The following STIM1 variants were observed in gnomAD, a reference collection of about 807,000 sequenced individuals.
STIM1 encodes stromal interaction molecule 1.
A neutral mutation model predicts 74.7 loss-of-function variants in STIM1; 25 were observed. The ratio of observed to expected loss-of-function variants is 0.33; its 90% CI spans 0.24 to 0.47. The LOEUF (loss-of-function observed/expected upper bound fraction) is 0.47, where lower values mean the gene tolerates loss of function less well. Ranked by LOEUF, STIM1 falls within the 20% of genes least tolerant of loss-of-function variation. STIM1 has a pLI of 1.00. For synonymous variants in STIM1, 328 were observed against 348.8 expected (o/e 0.94, Z 0.66); for missense variants, 728 against 920.8 (o/e 0.79, Z 2.71).
chr11:3,901,214 G>A (rs2092340497), intron 1 of STIM1, among the ~76,000 whole-genome samples: 1 of 152,076 alleles, frequency 6.6e-6, no homozygotes, highest in African/African-American at 2.4e-5. Flanking sequence ...TCTTCAGAAT[G>A]TCAGTATCAG....
At chr11:4,051,035 A>G (rs993258666) in intron 3 of STIM1, among the ~76,000 whole-genome samples, 1 of 152,272 alleles carries the variant, frequency 6.6e-6, no homozygotes, top group Admixed American at 6.5e-5. Flanking sequence ...GGCAGAAAAG[A>G]TAGAGAAGGT....
chr11:3,925,557 A>C (rs920245655), intron 1 of STIM1, among the ~76,000 whole-genome samples: 1 of 152,232 alleles, frequency 6.6e-6, no homozygotes, highest in Non-Finnish European at 1.5e-5. Context: ...ACTGGATTGA[A>C]TATCTTTGGA....
In STIM1 at chr11:4,044,072, T is replaced by C. The variant is rs373306642; in HGVS notation, c.386-11454T>C. On this transcript the variant is annotated intron_variant, in intron 3 of 12. Coordinates refer to ENST00000526596, the MANE Select transcript of STIM1 (RefSeq NM_001382567.1). ...CCCTGTGTGTCTCTCTTGTGAAGGA[T>C]GGTTTGTTGTGTAGAACTCCAGGGG... 7.2e-5 allele frequency among the ~76,000 whole-genome samples: 11 copies of C among 152,182 alleles called. No individual in the cohort carries two copies. In the East Asian group the frequency reaches 2.1e-3, roughly 29 times the overall value.
intron 3 of STIM1, among the ~76,000 whole-genome samples, chr11:4,039,099 A>G (rs1486836032): frequency 1.3e-5 from 2 of 152,178 alleles, no homozygotes; most frequent in Non-Finnish European, 2.9e-5. Context: ...TTGAGACTCA[A>G]CAGAATAAGA....
Position 4,083,593 on chromosome 11 carries a change from A to T in STIM1, c.1474+95A>T, listed in dbSNP as rs528444559. ...GTTGTGCTTAAACAGCAGATGGGGCAGATACCCAGGAAGATAGTTCAACTC... is the reference window on the plus strand; with the variant it reads ...GTTGTGCTTAAACAGCAGATGGGGCTGATACCCAGGAAGATAGTTCAACTC... On this transcript the variant is annotated intron_variant, in intron 10 of 12. Transcript: ENST00000526596. The T allele has an allele frequency of 1.1e-3, 1,244 of 1,176,440 alleles. 2 individuals carry two copies. Among genetic ancestry groups the T allele is most frequent in the Non-Finnish European group, 1.5e-3 (1,207 of 809,756 alleles). 72.9% of individuals were successfully genotyped at this position (1,176,440 alleles called of 1,614,324 possible).
chr11:3,901,596 T>C (rs1331304381), intron 1 of STIM1, among the ~76,000 whole-genome samples: 2 of 152,256 alleles, frequency 1.3e-5, no homozygotes, highest in Non-Finnish European at 2.9e-5. Context: ...AGATTACATC[T>C]TTGTGTTCAC....
chr11:3,973,803 T>C, intron 2 of STIM1: 2 of 343,244 alleles, frequency 5.8e-6, no homozygotes, highest in South Asian at 4.1e-5. Context: ...AGCCTTTACC[T>C]CCCAGGCTCA....
At chr11:3,920,345 G>A (rs2092702856) in intron 1 of STIM1, among the ~76,000 whole-genome samples, 1 of 151,976 alleles carries the variant, frequency 6.6e-6, no homozygotes, top group Admixed American at 6.6e-5. Flanking sequence ...AAGAAACACT[G>A]CACCCATTAA....
intron 3 of STIM1, among the ~76,000 whole-genome samples, chr11:4,028,732 C>A (rs937466813): frequency 4.6e-5 from 7 of 152,028 alleles, no homozygotes; most frequent in Middle Eastern, 3.2e-3. Flanking sequence ...GTGGTAATTT[C>A]TTTCCTCGTT....
At position 3,876,078 on chromosome 11, in the gene STIM1, T is replaced by G. The variant is rs374667745; in HGVS notation, c.139+19669T>G. On this transcript the variant is annotated intron_variant, in intron 1 of 12. Transcript: ENST00000526596. Reference sequence around the variant, plus strand: ...CAGTGGTGAAACTAAGCTTTCTGGTTGTCTGTTCCCCTATGTGTTAAAGGG... The same window carrying G: ...CAGTGGTGAAACTAAGCTTTCTGGTGGTCTGTTCCCCTATGTGTTAAAGGG... Among the ~76,000 whole-genome samples, 30 of 152,308 alleles carry G rather than the reference T, an allele frequency of 2.0e-4. 1 individual carries two copies. Among genetic ancestry groups the G allele is most frequent in the South Asian group, 1.7e-3 (8 of 4,828 alleles).
chr11:3,887,493 C>T (rs956020888), intron 1 of STIM1, among the ~76,000 whole-genome samples: 5 of 152,042 alleles, frequency 3.3e-5, no homozygotes, highest in Non-Finnish European at 7.4e-5. Context: ...TATCAGAGTG[C>T]CGACCTACTG....
chr11:3,861,802 T>A (rs1305382590), intron 1 of STIM1, among the ~76,000 whole-genome samples: 1 of 152,184 alleles, frequency 6.6e-6, no homozygotes, highest in African/African-American at 2.4e-5. Context: ...CTTAGGGATA[T>A]GGGGCCTTCG....
intron 1 of STIM1, among the ~76,000 whole-genome samples, chr11:3,901,023 T>A (rs1304149259): frequency 6.6e-6 from 1 of 152,216 alleles, no homozygotes; most frequent in Non-Finnish European, 1.5e-5. Flanking sequence ...AAACCCTGTC[T>A]CTATTAAAAA....
chr11:4,024,003 G>A lies in STIM1; in HGVS notation c.385+16G>A, dbSNP rs766833809. 1.3e-5 allele frequency: 21 copies of A among 1,602,102 alleles called. 1 individual carries two copies. The South Asian group carries it at 2.0e-4, about 15-fold the overall frequency. On this transcript the variant is annotated intron_variant, in intron 3 of 12. Transcript: ENST00000526596. ...TCATCAGAAGGTAATAGGCAGCCTGGTCATCAATCCTAGTTGTGGGAAGGT... is the reference window on the plus strand; with the variant it reads ...TCATCAGAAGGTAATAGGCAGCCTGATCATCAATCCTAGTTGTGGGAAGGT...
intron 5 of STIM1, among the ~76,000 whole-genome samples, chr11:4,061,091 G>T (rs2094327434): frequency 6.6e-6 from 1 of 152,170 alleles, no homozygotes; most frequent in South Asian, 2.1e-4. Context: ...GTCTTCCTTA[G>T]CCTTGTAATA....
chr11:4,015,196 C>T (rs1007430005), intron 2 of STIM1, among the ~76,000 whole-genome samples: 5 of 151,890 alleles, frequency 3.3e-5, no homozygotes, highest in Non-Finnish European at 5.9e-5. Flanking sequence ...ACTGGTTGTC[C>T]TTTCCATGTT....
At chr11:4,038,145 G>A (rs1051159571) in intron 3 of STIM1, among the ~76,000 whole-genome samples, 3 of 150,712 alleles carry the variant, frequency 2.0e-5, no homozygotes, top group African/African-American at 4.9e-5. Flanking sequence ...AGAGATTCTC[G>A]TGCCCCAGCC....
At chr11:4,066,574 G>A (rs902358637) in intron 5 of STIM1, among the ~76,000 whole-genome samples, 2 of 152,102 alleles carry the variant, frequency 1.3e-5, no homozygotes, top group Non-Finnish European at 2.9e-5. Flanking sequence ...TAGGCTGGGC[G>A]CAGTGACTCT....
intron 2 of STIM1, among the ~76,000 whole-genome samples, chr11:4,005,360 T>G (rs931426019): frequency 5.9e-5 from 9 of 152,184 alleles, no homozygotes; most frequent in African/African-American, 1.7e-4. Context: ...TAGACTGGAT[T>G]AAGAAAATGT....
Sources: gnomAD v4.1 joint callset for allele counts (sites outside exome capture counted in the v4.1 genomes callset) on GRCh38, gnomAD v4.1.1 for gene constraint, MANE v1.5 for transcripts, NCBI Gene and HGNC (gene_info 2026-07-23, HGNC 2026-07-21) for gene names.